Variants in PIGK observed in about 807,000 individuals in gnomAD.
PIGK encodes the protein GPI-anchor transamidase.
In PIGK, 42 loss-of-function variants were observed where a neutral mutation model predicts 50.6. The observed-to-expected ratio is 0.83, with a 90% CI of 0.65 to 1.07. PIGK has a LOEUF of 1.07. Among genes scored for constraint, PIGK ranks in the 50% least tolerant of loss-of-function variants. The pLI, the probability that PIGK is intolerant of heterozygous loss-of-function variation, is 0.00. For synonymous variants in PIGK, 151 were observed against 156.0 expected, an observed-to-expected ratio of 0.97 and a Z score of 0.24; for missense variants, 448 against 488.7, an observed-to-expected ratio of 0.92 and a Z score of 0.78.
At chr1:77,156,024 C>T (rs1655000972) in intron 8 of PIGK, among the ~76,000 whole-genome samples, 1 of 151,728 alleles carries the variant, frequency 6.6e-6, no homozygotes, top group Admixed American at 6.6e-5. Flanking sequence ...CCTTGTCATC[C>T]CTATTCAGGA....
intron 10 of PIGK, among the ~76,000 whole-genome samples, chr1:77,108,232 T>C (rs1370118964): frequency 6.6e-6 from 1 of 152,232 alleles, no homozygotes; most frequent in Non-Finnish European, 1.5e-5. Context: ...TGGTAGTGGT[T>C]GTTCCTCTCC....
chr1:77,199,036 A>T (rs1656096950), intron 3 of PIGK, among the ~76,000 whole-genome samples: 1 of 152,034 alleles, frequency 6.6e-6, no homozygotes, highest in South Asian at 2.1e-4. Flanking sequence ...CAGTATCAAA[A>T]TCTTCCTATC....
intron 9 of PIGK, among the ~76,000 whole-genome samples, chr1:77,128,877 T>G (rs982040184): frequency 6.6e-6 from 1 of 152,226 alleles, no homozygotes; most frequent in Non-Finnish European, 1.5e-5. Flanking sequence ...CACCTGTTTC[T>G]GTATGTCCTG....
intron 10 of PIGK, among the ~76,000 whole-genome samples, chr1:77,102,604 G>T (rs1653575359): frequency 6.6e-6 from 1 of 152,128 alleles, no homozygotes; most frequent in African/African-American, 2.4e-5. Flanking sequence ...CTCCAGAAAT[G>T]ACTGACATCT....
At chr1:77,150,422 G>A (rs1391792556) in intron 9 of PIGK, among the ~76,000 whole-genome samples, 1 of 150,226 alleles carries the variant, frequency 6.7e-6, no homozygotes, top group Non-Finnish European at 1.5e-5. Context: ...GTGGGAGGCT[G>A]AGGCAAAAGG....
In PIGK at chr1:77,169,184, A is replaced by G. The variant is rs1247846205; in HGVS notation, c.375+76T>C. On this transcript the variant is annotated intron_variant, in intron 4 of 10. Coordinates refer to ENST00000370812, the MANE Select transcript of PIGK (RefSeq NM_005482.3). ...AAATTTAAAGAAAAATAATAAGACA[A>G]TTTTATTCTGCCATTGTTTTAGAGC... The G allele has an allele frequency of 1.2e-5, 11 of 954,370 alleles. No individual in the cohort carries two copies. In the Admixed American group the frequency reaches 3.0e-4, roughly 26 times the overall value. The allele number at this position is 954,370 out of a possible 1,614,324, so 59.1% of individuals were successfully genotyped here. A position where few individuals can be genotyped will look rare whatever the true frequency, so the allele number is the denominator to read the frequency against.
intron 9 of PIGK, among the ~76,000 whole-genome samples, chr1:77,124,059 G>A (rs1401314642): frequency 6.6e-6 from 1 of 151,810 alleles, no homozygotes; most frequent in East Asian, 1.9e-4. Flanking sequence ...CAAGGAGAGA[G>A]ACCTTAGGAG....
At chr1:77,187,033 T>C (rs1655765569) in intron 3 of PIGK, among the ~76,000 whole-genome samples, 1 of 152,200 alleles carries the variant, frequency 6.6e-6, no homozygotes, top group Admixed American at 6.5e-5. Flanking sequence ...ACAAATGCCT[T>C]ATCCACCGTC....
At chr1:77,195,804 ATATATT>A (rs1332490448) in intron 3 of PIGK, among the ~76,000 whole-genome samples, 3 of 151,986 alleles carry the variant, frequency 2.0e-5, no homozygotes, top group Non-Finnish European at 2.9e-5. Context: ...TTATATATCT[ATATATT>A]TAAAGTATAA....
At chr1:77,127,146 C>A (rs1654250463) in intron 9 of PIGK, among the ~76,000 whole-genome samples, 1 of 152,086 alleles carries the variant, frequency 6.6e-6, no homozygotes, top group Non-Finnish European at 1.5e-5. Flanking sequence ...TGTCCAAATC[C>A]TCTGCATAAA....
In PIGK at chr1:77,204,412, T is replaced by A. The variant is rs1337146186; in HGVS notation, c.239+2228A>T. The stretch of plus-strand genomic sequence containing the variant: ...ATGCGTGCCCAGTGGGACATGAAAC[T>A]TCATCAGCAATTCTAATTTCACCCT... On this transcript the variant is annotated intron_variant, in intron 3 of 10. Coordinates refer to ENST00000370812, the MANE Select transcript of PIGK (RefSeq NM_005482.3). Among the ~76,000 whole-genome samples the A allele has an allele frequency of 4.6e-5, 7 of 152,116 alleles. 1 individual carries two copies. The highest frequency in any genetic ancestry group is 1.0e-4 in the Non-Finnish European group (7 of 68,026).
intron 3 of PIGK, among the ~76,000 whole-genome samples, chr1:77,195,978 T>C (rs1656026181): frequency 6.6e-6 from 1 of 151,960 alleles, no homozygotes. Flanking sequence ...GCCTTTGCCA[T>C]TCCCCCCAAC....
At chr1:77,174,083 G>A (rs1655427113) in intron 3 of PIGK, among the ~76,000 whole-genome samples, 1 of 152,182 alleles carries the variant, frequency 6.6e-6, no homozygotes, top group African/African-American at 2.4e-5. Context: ...TTTTACAATG[G>A]TGGCCTGAGT....
At chr1:77,171,887 G>A (rs147760967) in intron 3 of PIGK, among the ~76,000 whole-genome samples, 23 of 152,076 alleles carry the variant, frequency 1.5e-4, no homozygotes, top group Middle Eastern at 3.4e-3. Flanking sequence ...AACAAACTAC[G>A]TAGGCTTATA....
intron 9 of PIGK, among the ~76,000 whole-genome samples, chr1:77,141,229 A>G (rs1158305237): frequency 1.3e-5 from 2 of 152,194 alleles, no homozygotes; most frequent in East Asian, 3.8e-4. Context: ...AGTGTAGTAC[A>G]ATATAATTCT....
At chr1:77,217,890 A>G (rs539461371) in intron 1 of PIGK, among the ~76,000 whole-genome samples, 2 of 152,228 alleles carry the variant, frequency 1.3e-5, no homozygotes, top group Non-Finnish European at 2.9e-5. Flanking sequence ...AAAGCACAGC[A>G]ATTATGTAAC....
chr1:77,206,406 T>C lies in PIGK; in HGVS notation c.239+234A>G, dbSNP rs151113860. The stretch of plus-strand genomic sequence containing the variant: ...TTAAATACATTACACTAAATAATTA[T>C]ATTTTATCCAATCTTTTTACCTTAG... On this transcript the variant is annotated intron_variant, in intron 3 of 10. Transcript: ENST00000370812. 3.5e-3 allele frequency among the ~76,000 whole-genome samples: 536 copies of C among 152,322 alleles called. 3 individuals are homozygous for C. In the Middle Eastern group the frequency reaches 0.041, roughly 12 times the overall value.
chr1:77,191,025 T>C (rs1451412636), intron 3 of PIGK, among the ~76,000 whole-genome samples: 1 of 152,214 alleles, frequency 6.6e-6, no homozygotes, highest in Non-Finnish European at 1.5e-5. Flanking sequence ...AAGTTCTCCA[T>C]CTCTTTCTTC....
chr1:77,102,449 G>A (rs993494984), intron 10 of PIGK, among the ~76,000 whole-genome samples: 2 of 152,150 alleles, frequency 1.3e-5, no homozygotes, highest in African/African-American at 4.8e-5. Context: ...GGTAGAAGGA[G>A]GCAGAATAGG....
Sources: gnomAD v4.1 joint callset for allele counts (sites outside exome capture counted in the v4.1 genomes callset) on GRCh38, gnomAD v4.1.1 for gene constraint, MANE v1.5 for transcripts, NCBI Gene and HGNC (gene_info 2026-07-23, HGNC 2026-07-21) for gene names.